SIPA1L1: variants seen among roughly 807,000 people sequenced by gnomAD.
SIPA1L1 encodes the protein signal-induced proliferation-associated 1-like protein 1.
Under a neutral mutation model 162.7 loss-of-function variants are expected in SIPA1L1, and 26 were observed. The observed-to-expected ratio is 0.16, with a 90% CI of 0.12 to 0.22. SIPA1L1 has a LOEUF of 0.22. Ranked by LOEUF, SIPA1L1 falls within the 10% of genes least tolerant of loss-of-function variation. The pLI is 1.00. For synonymous variants in SIPA1L1, 829 were observed against 837.4 expected (o/e 0.99, Z 0.17); for missense variants, 1,874 against 2,241.0 (o/e 0.84, Z 3.31).
chr14:71,345,870 C>T (rs916060834), intron 2 of SIPA1L1, among the ~76,000 whole-genome samples: 2 of 151,278 alleles, frequency 1.3e-5, no homozygotes, highest in African/African-American at 4.9e-5. Flanking sequence ...GCCTGGCACC[C>T]AGAGCTTACT....
chr14:71,395,642 C>T (rs2041128667), intron 2 of SIPA1L1, among the ~76,000 whole-genome samples: 1 of 152,160 alleles, frequency 6.6e-6, no homozygotes, highest in Non-Finnish European at 1.5e-5. Context: ...GCCTGGGTGG[C>T]AGAGCAAGAC....
chr14:71,326,271 T>C (rs1045393563), intron 2 of SIPA1L1, among the ~76,000 whole-genome samples: 11 of 151,316 alleles, frequency 7.3e-5, no homozygotes, highest in Admixed American at 2.0e-4. Flanking sequence ...TGCAGTGGCA[T>C]GACCTCGGCT....
chr14:71,354,995 T>C (rs1233753356), intron 2 of SIPA1L1, among the ~76,000 whole-genome samples: 1 of 152,184 alleles, frequency 6.6e-6, no homozygotes, highest in Non-Finnish European at 1.5e-5. Context: ...TGAATCACTG[T>C]GCCGAGACAA....
At chr14:71,504,385 G>A (rs2050487009) in intron 2 of SIPA1L1, among the ~76,000 whole-genome samples, 1 of 152,260 alleles carries the variant, frequency 6.6e-6, no homozygotes, top group Middle Eastern at 3.4e-3. Context: ...CTGGTGAAAT[G>A]TTCACAGTTT....
At chr14:71,423,450 T>G (rs2140707706) in intron 2 of SIPA1L1, among the ~76,000 whole-genome samples, 1 of 152,326 alleles carries the variant, frequency 6.6e-6, no homozygotes, top group African/African-American at 2.4e-5. Flanking sequence ...GAGAGCTTTA[T>G]AGTTTTAGGT....
intron 10 of SIPA1L1, among the ~76,000 whole-genome samples, chr14:71,670,438 G>C (rs1422054797): frequency 2.6e-5 from 4 of 152,030 alleles, no homozygotes; most frequent in Non-Finnish European, 5.9e-5. Context: ...AATACCAAAA[G>C]GACCAAGGAA....
Position 71,554,386 on chromosome 14 carries a change from A to G in SIPA1L1, c.-303+25016A>G, listed in dbSNP as rs1234003800. ...TTAAACACCACAGACTTAAAAATAAAAAATATAAAGATTTTTAAAGAAGAA... is the reference window on the plus strand; with the variant it reads ...TTAAACACCACAGACTTAAAAATAAGAAATATAAAGATTTTTAAAGAAGAA... On this transcript the variant is annotated intron_variant, in intron 4 of 23. Transcript: ENST00000381232. Among the ~76,000 whole-genome samples the G allele has an allele frequency of 2.6e-5, 4 of 152,234 alleles. 1 individual carries two copies. The South Asian group carries it at 8.3e-4, about 32-fold the overall frequency.
At chr14:71,330,366 A>T in intron 2 of SIPA1L1, 1 of 935,690 alleles carries the variant, frequency 1.1e-6, no homozygotes. Context: ...TTTGGCGATG[A>T]AAATTGTAGG....
chr14:71,498,283 A>T (rs904993735), intron 2 of SIPA1L1, among the ~76,000 whole-genome samples: 2 of 152,246 alleles, frequency 1.3e-5, no homozygotes, highest in African/African-American at 4.8e-5. Context: ...AATTACAGGG[A>T]AGCTAGCAAT....
intron 4 of SIPA1L1, among the ~76,000 whole-genome samples, chr14:71,541,387 A>G (rs1038870978): frequency 1.3e-5 from 2 of 152,252 alleles, no homozygotes; most frequent in Admixed American, 6.5e-5. Flanking sequence ...ACCCAAATGC[A>G]TAGTTACTTG....
chr14:71,473,080 T>C (rs2047590907), intron 2 of SIPA1L1, among the ~76,000 whole-genome samples: 1 of 152,062 alleles, frequency 6.6e-6, no homozygotes, highest in African/African-American at 2.4e-5. Context: ...ATGGATAACA[T>C]GAAACTTTAA....
chr14:71,516,959 C>T (rs745837947), intron 3 of SIPA1L1, among the ~76,000 whole-genome samples: 1 of 152,048 alleles, frequency 6.6e-6, no homozygotes, highest in Non-Finnish European at 1.5e-5. Flanking sequence ...GGCAACAGAA[C>T]GAGACTTTGT....
chr14:71,341,532 A>T (rs899184306), intron 2 of SIPA1L1, among the ~76,000 whole-genome samples: 2 of 152,206 alleles, frequency 1.3e-5, no homozygotes, highest in African/African-American at 2.4e-5. Context: ...ATTCAGTGGT[A>T]CAGGTGCAGG....
chr14:71,718,115 C>T (rs1207499019), intron 17 of SIPA1L1, among the ~76,000 whole-genome samples: 1 of 152,172 alleles, frequency 6.6e-6, no homozygotes, highest in South Asian at 2.1e-4. Context: ...GACATTTTAC[C>T]TAATCTTCCA....
intron 5 of SIPA1L1, among the ~76,000 whole-genome samples, chr14:71,614,619 G>A (rs1221070790): frequency 6.6e-6 from 1 of 152,114 alleles, no homozygotes; most frequent in East Asian, 1.9e-4. Context: ...CTTGACACAA[G>A]TTCAAAAATA....
At chr14:71,676,220 A>G (rs936665437) in intron 12 of SIPA1L1, among the ~76,000 whole-genome samples, 1 of 151,640 alleles carries the variant, frequency 6.6e-6, no homozygotes, top group Non-Finnish European at 1.5e-5. Flanking sequence ...TTGACCCAGG[A>G]GGCAGAGGTT....
chr14:71,617,610 A>G (rs1395013379), intron 5 of SIPA1L1, among the ~76,000 whole-genome samples: 1 of 152,168 alleles, frequency 6.6e-6, no homozygotes, highest in Non-Finnish European at 1.5e-5. Flanking sequence ...CATTACTTAA[A>G]TTTTAAACTA....
In SIPA1L1 at chr14:71,709,315, C is replaced by T. The variant is rs2082699020; in HGVS notation, c.3859C>T (p.Arg1287Cys). 7 of 1,614,170 alleles carry T rather than the reference C, an allele frequency of 4.3e-6. No individual in the cohort carries two copies. The South Asian group carries it at 4.4e-5, about 10-fold the overall frequency. Residue 1287 changes from arginine (R) to cysteine (C), a missense_variant, in exon 17 of 24, where the codon CGC becomes TGC. Coordinates refer to ENST00000381232, the MANE Select transcript of SIPA1L1 (RefSeq NM_001386936.1). ...HSDEKWYDGD[R>C]TESELNSYNY... is the part of the protein sequence containing the mutation. ...TGATGAGAAGTGGTACGATGGGGAC[C>T]GCACAGAATCCGAACTCAACAGCTA...
At chr14:71,624,281 G>C in intron 7 of SIPA1L1, 45 bp downstream of exon 7, 1 of 1,509,768 alleles carries the variant, frequency 6.6e-7, no homozygotes, top group South Asian at 1.2e-5. Flanking sequence ...CAGGTTTATT[G>C]CTAGGCTTCC....
Sources: gnomAD v4.1 joint callset for allele counts (sites outside exome capture counted in the v4.1 genomes callset) on GRCh38, gnomAD v4.1.1 for gene constraint, MANE v1.5 for transcripts, NCBI Gene and HGNC (gene_info 2026-07-23, HGNC 2026-07-21) for gene names.